Variants in ATXN7L1 observed in about 807,000 individuals in gnomAD.
ATXN7L1 encodes the protein ataxin-7-like protein 1.
ATXN7L1 carries 15 observed loss-of-function variants against 70.8 expected under a neutral mutation model. The ratio of observed to expected loss-of-function variants is 0.21; its 90% CI spans 0.14 to 0.33. ATXN7L1 has a LOEUF of 0.33. ATXN7L1 is among the 10% of genes least tolerant of loss of function. ATXN7L1 has a pLI of 1.00. For missense variants in ATXN7L1, 975 were observed against 1,097.1 expected, an observed-to-expected ratio of 0.89 and a Z score of 1.57; for synonymous variants, 440 against 445.1, an observed-to-expected ratio of 0.99 and a Z score of 0.14.
chr7:105,711,775 C>T (rs1793946615), intron 3 of ATXN7L1, among the ~76,000 whole-genome samples: 2 of 152,222 alleles, frequency 1.3e-5, no homozygotes, highest in African/African-American at 4.8e-5. Flanking sequence ...GTCTATCTAC[C>T]ATTCTGGGGT....
chr7:105,875,317 C>T (rs1049747982), intron 2 of ATXN7L1: 1 of 160,158 alleles, frequency 6.2e-6, no homozygotes, highest in African/African-American at 2.4e-5. Flanking sequence ...AATCTGTGAC[C>T]AAATGCAAAG....
chr7:105,874,774 G>T (rs1177289408), intron 2 of ATXN7L1, among the ~76,000 whole-genome samples: 1 of 152,234 alleles, frequency 6.6e-6, no homozygotes, highest in Non-Finnish European at 1.5e-5. Flanking sequence ...ATCTTTCCAC[G>T]CAGGCTTCAG....
At chr7:105,670,124 C>T (rs1264937837) in intron 3 of ATXN7L1, among the ~76,000 whole-genome samples, 2 of 152,090 alleles carry the variant, frequency 1.3e-5, no homozygotes, top group Non-Finnish European at 2.9e-5. Flanking sequence ...TGGACTTACA[C>T]AGTTTTGCGT....
At chr7:105,746,858 T>C (rs1199481754) in intron 3 of ATXN7L1, among the ~76,000 whole-genome samples, 3 of 152,246 alleles carry the variant, frequency 2.0e-5, no homozygotes, top group African/African-American at 7.2e-5. Flanking sequence ...TGCTTATCTT[T>C]GGGAGGATGG....
intron 11 of ATXN7L1, among the ~76,000 whole-genome samples, chr7:105,609,086 A>G (rs1452516375): frequency 6.6e-6 from 1 of 152,188 alleles, no homozygotes; most frequent in Admixed American, 6.5e-5. Flanking sequence ...TGCTGCCATG[A>G]AACTGCATCC....
intron 4 of ATXN7L1, among the ~76,000 whole-genome samples, chr7:105,644,657 T>A (rs1438554881): frequency 1.3e-5 from 2 of 152,224 alleles, no homozygotes; most frequent in African/African-American, 4.8e-5. Flanking sequence ...CACACCAAGA[T>A]GCTAGACAGG....
chr7:105,724,664 G>T (rs373631987), intron 3 of ATXN7L1, among the ~76,000 whole-genome samples: 1 of 151,290 alleles, frequency 6.6e-6, no homozygotes, highest in African/African-American at 2.4e-5. Flanking sequence ...CGAGGCGGGC[G>T]GATCACCTGA....
intron 4 of ATXN7L1, among the ~76,000 whole-genome samples, chr7:105,661,542 C>T (rs946461862): frequency 6.6e-6 from 1 of 152,128 alleles, no homozygotes; most frequent in Non-Finnish European, 1.5e-5. Flanking sequence ...GTGACTTTTT[C>T]AAGGACACAC....
intron 3 of ATXN7L1, among the ~76,000 whole-genome samples, chr7:105,711,835 C>T (rs1016774657): frequency 5.3e-5 from 8 of 152,252 alleles, no homozygotes; most frequent in South Asian, 2.1e-4. Context: ...TGCCCCAGTG[C>T]GGACTTTGTG....
intron 3 of ATXN7L1, among the ~76,000 whole-genome samples, chr7:105,744,841 G>A (rs776920255): frequency 2.7e-5 from 4 of 149,192 alleles, no homozygotes; most frequent in Non-Finnish European, 4.4e-5. Context: ...GGGTTCAAGC[G>A]ATTCTCCTGC....
At chr7:105,629,068 C>A (rs181417474) in intron 7 of ATXN7L1, among the ~76,000 whole-genome samples, 1 of 152,112 alleles carries the variant, frequency 6.6e-6, no homozygotes, top group East Asian at 1.9e-4. Context: ...CCTGGGCCCA[C>A]AGGATCTTCC....
intron 3 of ATXN7L1, among the ~76,000 whole-genome samples, chr7:105,688,989 T>A (rs1584733861): frequency 6.6e-6 from 1 of 152,122 alleles, no homozygotes; most frequent in Non-Finnish European, 1.5e-5. Flanking sequence ...ACCTTGGGGG[T>A]GAATGGACTA....
chr7:105,832,421 A>C (rs1000225538), intron 2 of ATXN7L1, among the ~76,000 whole-genome samples: 1 of 152,216 alleles, frequency 6.6e-6, no homozygotes, highest in African/African-American at 2.4e-5. Flanking sequence ...AATCTGTTTA[A>C]GTGTGAAGAT....
At chr7:105,861,449 G>A (rs1431692497) in intron 2 of ATXN7L1, among the ~76,000 whole-genome samples, 1 of 151,294 alleles carries the variant, frequency 6.6e-6, no homozygotes. Flanking sequence ...GAGGTGCAGG[G>A]AATTGCTAAG....
chr7:105,778,972 T>G (rs950897605), intron 3 of ATXN7L1, among the ~76,000 whole-genome samples: 26 of 152,224 alleles, frequency 1.7e-4, no homozygotes, highest in African/African-American at 5.8e-4. Context: ...TGGATTAAAA[T>G]GAGAAAGAGC....
chr7:105,690,293 C>T (rs2116193034), intron 3 of ATXN7L1, among the ~76,000 whole-genome samples: 1 of 152,302 alleles, frequency 6.6e-6, no homozygotes, highest in African/African-American at 2.4e-5. Context: ...GCATGAGCCA[C>T]CGCGCCCAGC....
At chr7:105,619,958 G>C (rs1370562335) in intron 9 of ATXN7L1, among the ~76,000 whole-genome samples, 2 of 152,058 alleles carry the variant, frequency 1.3e-5, no homozygotes, top group Non-Finnish European at 2.9e-5. Flanking sequence ...TCTCATTTAG[G>C]AGATTACCAA....
chr7:105,688,535 A>C (rs965623313), intron 3 of ATXN7L1, among the ~76,000 whole-genome samples: 1 of 150,518 alleles, frequency 6.6e-6, no homozygotes, highest in Non-Finnish European at 1.5e-5. Context: ...ACAGAGCAAG[A>C]CCCTGTGTCA....
At chr7:105,650,218 C>T (rs1799635816) in intron 4 of ATXN7L1, among the ~76,000 whole-genome samples, 1 of 152,146 alleles carries the variant, frequency 6.6e-6, no homozygotes, top group South Asian at 2.1e-4. Context: ...GACACAAAGT[C>T]CTACTACCGT....
Sources: allele counts gnomAD v4.1 joint callset (sites outside exome capture counted in the v4.1 genomes callset), GRCh38; gene constraint gnomAD v4.1.1; transcripts MANE v1.5; gene names NCBI Gene and HGNC (gene_info 2026-07-23, HGNC 2026-07-21).